The following FBN2 variants were observed in gnomAD, a reference collection of about 807,000 sequenced individuals.
FBN2 encodes the protein fibrillin-2.
In FBN2, 105 loss-of-function variants were observed where a neutral mutation model predicts 355.6. The observed-to-expected ratio is 0.30, with a 90% confidence interval of 0.25 to 0.35. The LOEUF (loss-of-function observed/expected upper bound fraction) is 0.35. Ranked by LOEUF, FBN2 falls within the 10% of genes least tolerant of loss-of-function variation. FBN2 has a pLI of 1.00. For synonymous variants in FBN2, 1,350 were observed against 1,301.2 expected, an observed-to-expected ratio of 1.04 and a Z score of -0.81; for missense variants, 3,280 against 3,758.7, an observed-to-expected ratio of 0.87 and a Z score of 3.33.
Position 128,517,370 on chromosome 5 carries a change from T to G in FBN2, c.628+1903A>C, listed in dbSNP as rs190385316. On this transcript the variant is annotated intron_variant, in intron 5 of 64. Coordinates refer to ENST00000262464, the MANE Select transcript of FBN2 (RefSeq NM_001999.4). ...GAAATTTTAAATTTATTCTACATTC[T>G]ATGATGTTCAAATAAACTTAGCGTT... Among the ~76,000 whole-genome samples, 14 of 152,334 alleles carry G rather than the reference T, an allele frequency of 9.2e-5. No homozygotes were observed. The East Asian group carries it at 2.7e-3, about 29-fold the overall frequency.
chr5:128,505,114 C>T (rs1175516154), intron 5 of FBN2, among the ~76,000 whole-genome samples: 1 of 152,178 alleles, frequency 6.6e-6, no homozygotes, highest in African/African-American at 2.4e-5. Flanking sequence ...GATTGTGAGG[C>T]CTCCCAGCCA....
intron 23 of FBN2, among the ~76,000 whole-genome samples, chr5:128,348,746 C>A (rs1330099210): frequency 3.3e-5 from 5 of 152,004 alleles, no homozygotes; most frequent in African/African-American, 9.7e-5. Context: ...ATAGAAATTT[C>A]TTTTTCAATC....
At chr5:128,502,157 T>G (rs957556547) in intron 5 of FBN2, among the ~76,000 whole-genome samples, 3 of 151,112 alleles carry the variant, frequency 2.0e-5, no homozygotes, top group Admixed American at 2.0e-4. Flanking sequence ...TTGGATCCTA[T>G]CTACAGAAAT....
At chr5:128,425,179 T>C (rs1753454514) in intron 7 of FBN2, among the ~76,000 whole-genome samples, 1 of 152,158 alleles carries the variant, frequency 6.6e-6, no homozygotes, top group South Asian at 2.1e-4. Context: ...TCAAGTTATT[T>C]ATGTTTTAAA....
intron 8 of FBN2, among the ~76,000 whole-genome samples, chr5:128,397,852 TA>T (rs1362442316): frequency 6.6e-6 from 1 of 151,876 alleles, no homozygotes; most frequent in Non-Finnish European, 1.5e-5. Context: ...GCATAAGACA[TA>T]AAAAGCCCAG....
intron 7 of FBN2, among the ~76,000 whole-genome samples, chr5:128,414,516 C>T (rs1456258577): frequency 2.0e-5 from 3 of 152,042 alleles, no homozygotes; most frequent in Non-Finnish European, 4.4e-5. Context: ...ACAGTTTATT[C>T]ATTTATCAGT....
chr5:128,515,179 T>C (rs1478469783), intron 5 of FBN2, among the ~76,000 whole-genome samples: 3 of 152,146 alleles, frequency 2.0e-5, no homozygotes, highest in Admixed American at 1.3e-4. Context: ...CTTGGAGGAT[T>C]TGGGTAAGGT....
intron 62 of FBN2, among the ~76,000 whole-genome samples, chr5:128,268,124 C>T (rs1287006051): frequency 6.6e-6 from 1 of 151,976 alleles, no homozygotes; most frequent in Non-Finnish European, 1.5e-5. Flanking sequence ...ACAAAATACA[C>T]CACTAGCTAG....
chr5:128,395,143 C>T lies in FBN2; in HGVS notation c.1210G>A (p.Ala404Thr). The T allele has an allele frequency of 6.2e-7, 1 of 1,614,128 alleles. No individual in the cohort carries two copies. The part of the protein sequence containing the change: ...RCWGIGTIPE[A>T]CPVRGSEEYR... ...GTACCAGAACCTCTGACAGGACAGG[C>T]TTCAGGAATGGTTCCGATGCCCCAG... Residue 404 changes from alanine to threonine, a missense_variant, in exon 9 of 65, where the codon GCC (alanine) becomes ACC (threonine). Around this residue, in one of 6 missense-constraint regions of FBN2, gnomAD observed 343 missense variants for 331.0 expected, o/e 1.04. Coordinates refer to ENST00000262464, the MANE Select transcript of FBN2 (RefSeq NM_001999.4).
intron 22 of FBN2, 51 bp downstream of exon 22, chr5:128,349,904 T>C: frequency 7.2e-7 from 1 of 1,387,010 alleles, no homozygotes; most frequent in Non-Finnish European, 1.0e-6. Context: ...ATGTTAATTT[T>C]ACTTACTGCT....
At chr5:128,433,998 G>A (rs1015034829) in intron 7 of FBN2, among the ~76,000 whole-genome samples, 2 of 151,788 alleles carry the variant, frequency 1.3e-5, no homozygotes, top group Non-Finnish European at 2.9e-5. Flanking sequence ...CTAAAATAAG[G>A]GCTCTTTAAA....
At chr5:128,501,354 T>C (rs1755804058) in intron 5 of FBN2, among the ~76,000 whole-genome samples, 1 of 152,120 alleles carries the variant, frequency 6.6e-6, no homozygotes, top group Non-Finnish European at 1.5e-5. Flanking sequence ...CATAATGCAC[T>C]TGAAATACCT....
chr5:128,334,383 A>G (rs1461196216), intron 31 of FBN2, among the ~76,000 whole-genome samples: 1 of 152,146 alleles, frequency 6.6e-6, no homozygotes, highest in African/African-American at 2.4e-5. Context: ...TTTGTACATG[A>G]ATGTCTTCCA....
At chr5:128,317,413 T>G (rs539544223) in intron 36 of FBN2, among the ~76,000 whole-genome samples, 14 of 152,254 alleles carry the variant, frequency 9.2e-5, no homozygotes, top group African/African-American at 2.6e-4. Context: ...TCTCCAAAAC[T>G]TGAAAACAGT....
At chr5:128,322,560 G>GT (rs1169269399) in intron 34 of FBN2, among the ~76,000 whole-genome samples, 3 of 151,976 alleles carry the variant, frequency 2.0e-5, no homozygotes, top group Non-Finnish European at 4.4e-5. Context: ...CCCATTGCTT[G>GT]TTTTTTTCAG....
intron 46 of FBN2, among the ~76,000 whole-genome samples, chr5:128,302,184 G>A (rs757200891): frequency 1.1e-4 from 17 of 152,196 alleles, no homozygotes; most frequent in Non-Finnish European, 2.5e-4. Context: ...GGTTAAATGA[G>A]GACGTGGGGA....
chr5:128,259,550 C>G lies in FBN2; in HGVS notation c.8644G>C (p.Glu2882Gln), dbSNP rs765693576. The stretch of plus-strand genomic sequence containing the variant: ...TTGCTCTCTTCCAGTTTCTTAAGCT[C>G]CTTCTTCTTGTAGAGAGGGATGCTA... ...ITSIPLYKKK[E>Q]LKKLEESNED... The change falls in exon 65 of 65, where the codon GAG becomes CAG. Residue 2882 changes from glutamate to glutamine, a missense_variant. By Grantham distance (29) the Glu-to-Gln change is conservative (BLOSUM62 2). Transcript: ENST00000262464. The G allele has an allele frequency of 4.8e-5, 78 of 1,613,934 alleles. No individual in the cohort carries two copies. Among genetic ancestry groups the G allele is most frequent in the Non-Finnish European group, 6.4e-5 (75 of 1,180,014 alleles).
At chr5:128,498,162 C>T (rs1306300465) in intron 5 of FBN2, among the ~76,000 whole-genome samples, 1 of 152,182 alleles carries the variant, frequency 6.6e-6, no homozygotes, top group Admixed American at 6.5e-5. Flanking sequence ...AAACCCAAAC[C>T]ATTCTGAAGG....
chr5:128,514,243 C>T (rs1756218095), intron 5 of FBN2, among the ~76,000 whole-genome samples: 1 of 152,172 alleles, frequency 6.6e-6, no homozygotes, highest in Non-Finnish European at 1.5e-5. Flanking sequence ...AAGATTTAAT[C>T]ATGATATATC....
Sources: allele counts gnomAD v4.1 joint callset (sites outside exome capture counted in the v4.1 genomes callset), GRCh38; gene constraint gnomAD v4.1.1; regional missense constraint gnomAD v4.1.1; transcripts MANE v1.5; gene names NCBI Gene and HGNC (gene_info 2026-07-23, HGNC 2026-07-21).